Variants in SULF1 observed in about 807,000 individuals in gnomAD.
SULF1 encodes the protein extracellular sulfatase Sulf-1.
SULF1 carries 46 observed loss-of-function variants against 110.5 expected under a neutral mutation model. That is an observed-to-expected ratio of 0.42 (90% CI 0.33 to 0.53). SULF1 has a LOEUF of 0.53. Ranked by LOEUF, SULF1 falls within the 20% of genes least tolerant of loss-of-function variation. The pLI is 0.12. For missense variants in SULF1, 941 were observed against 1,094.2 expected (o/e 0.86, Z 1.98); for synonymous variants, 371 against 387.1 (o/e 0.96, Z 0.49).
chr8:69,512,531 TG>T (rs959254430), intron 3 of SULF1, among the ~76,000 whole-genome samples: 1 of 152,238 alleles, frequency 6.6e-6, no homozygotes, highest in African/African-American at 2.4e-5. Context: ...CATGTTCTTT[TG>T]GGTCCCAGAT....
chr8:69,510,945 TACACACACACACACACACAC>T (rs56386460), intron 3 of SULF1, among the ~76,000 whole-genome samples: 1 of 141,142 alleles, frequency 7.1e-6, no homozygotes, highest in Admixed American at 7.1e-5. Context: ...ATATCATCAT[TACACACACACACACACACAC>T]ACACACACAC....
intron 1 of SULF1, among the ~76,000 whole-genome samples, chr8:69,487,550 A>G (rs1809759653): frequency 2.0e-5 from 3 of 152,244 alleles, no homozygotes. Flanking sequence ...CCTTCCAGAC[A>G]GAATCTATCT....
chr8:69,468,523 T>C (rs1345046825), intron 1 of SULF1, among the ~76,000 whole-genome samples: 2 of 152,212 alleles, frequency 1.3e-5, no homozygotes, highest in Non-Finnish European at 2.9e-5. Flanking sequence ...ATTATCCTCA[T>C]AAATACCCAG....
chr8:69,593,216 A>G (rs1054226480), intron 8 of SULF1, among the ~76,000 whole-genome samples: 26 of 152,234 alleles, frequency 1.7e-4, no homozygotes, highest in African/African-American at 5.8e-4. Flanking sequence ...TTCAGAGTTC[A>G]GTCTTCAGAC....
intron 6 of SULF1, among the ~76,000 whole-genome samples, chr8:69,582,728 C>T (rs546167910): frequency 3.3e-5 from 5 of 151,328 alleles, no homozygotes; most frequent in African/African-American, 7.3e-5. Flanking sequence ...GGGATAAACC[C>T]GTAGGGATGA....
intron 1 of SULF1, among the ~76,000 whole-genome samples, chr8:69,487,111 G>A (rs1027857273): frequency 3.3e-5 from 5 of 152,144 alleles, no homozygotes; most frequent in African/African-American, 1.2e-4. Context: ...GAATCTGCAC[G>A]CCATAATTAG....
chr8:69,638,705 TTAAA>T (rs1225305912), intron 20 of SULF1, 26 bp from the exon 21 acceptor site: 1 of 1,613,158 alleles, frequency 6.2e-7, no homozygotes, highest in African/African-American at 1.3e-5. Context: ...AGACATAAGC[TTAAA>T]TAGATTGTCC....
At position 69,580,682 on chromosome 8, in the gene SULF1, A is replaced by T. The variant is rs372278243; in HGVS notation, c.412+4473A>T. Among the ~76,000 whole-genome samples, 11 of 152,258 alleles carry T rather than the reference A, an allele frequency of 7.2e-5. No individual in the cohort carries two copies. In the East Asian group the frequency reaches 1.9e-3, roughly 27 times the overall value. ...CCTAACACATGGTACATAAAATCAC[A>T]TATGAGTTAAATCTTAATCACATGA... is the stretch of plus-strand genomic sequence containing the variant. On this transcript the variant is annotated intron_variant, in intron 6 of 22. Transcript: ENST00000402687.
Position 69,600,754 on chromosome 8 carries a change from G to T in SULF1, c.885+1G>T, listed in dbSNP as rs1470452524. 6.2e-7 allele frequency: 1 copy of T among 1,613,294 alleles called. No individual in the cohort carries two copies. Among genetic ancestry groups the T allele is most frequent in the African/African-American group, 1.3e-5 (1 of 74,912 alleles). Reference sequence around the variant, plus strand: ...GTCAGTGGATGATTCTGTGGAGAGGGTAAGCACATGAACCTACCTCAGTGA... The same window carrying T: ...GTCAGTGGATGATTCTGTGGAGAGGTTAAGCACATGAACCTACCTCAGTGA... On this transcript the variant is annotated splice_donor_variant, in intron 9 of 22. Transcript: ENST00000402687. LOFTEE classifies it high-confidence loss of function.
intron 6 of SULF1, among the ~76,000 whole-genome samples, chr8:69,576,601 A>G (rs1177253996): frequency 6.6e-6 from 1 of 152,130 alleles, no homozygotes. Context: ...GGGCAAGAAG[A>G]GGTTTTTGAT....
intron 5 of SULF1, among the ~76,000 whole-genome samples, chr8:69,575,745 A>G (rs925409957): frequency 6.6e-6 from 1 of 152,068 alleles, no homozygotes; most frequent in Non-Finnish European, 1.5e-5. Flanking sequence ...CTTCGTGATT[A>G]CAGGGAGGAG....
chr8:69,468,185 A>G (rs1015272667), intron 1 of SULF1, among the ~76,000 whole-genome samples: 3 of 152,234 alleles, frequency 2.0e-5, no homozygotes, highest in Admixed American at 2.0e-4. Flanking sequence ...CACATTTGGC[A>G]GAGAAATCCA....
At chr8:69,582,369 A>T (rs916243195) in intron 6 of SULF1, among the ~76,000 whole-genome samples, 2 of 152,222 alleles carry the variant, frequency 1.3e-5, no homozygotes, top group African/African-American at 4.8e-5. Context: ...TCATTTACAA[A>T]AGACAGGGCC....
chr8:69,537,882 A>G (rs1813532351), intron 3 of SULF1, among the ~76,000 whole-genome samples: 1 of 151,960 alleles, frequency 6.6e-6, no homozygotes, highest in Non-Finnish European at 1.5e-5. Context: ...GAAACAGAAG[A>G]AAAAGAGAAA....
intron 1 of SULF1, among the ~76,000 whole-genome samples, chr8:69,484,302 A>G (rs1278893045): frequency 6.6e-6 from 1 of 152,250 alleles, no homozygotes; most frequent in Non-Finnish European, 1.5e-5. Flanking sequence ...ACCTCTTGAA[A>G]GCAGGCACCA....
In SULF1 at chr8:69,496,753, C is replaced by T. The variant is rs541339356; in HGVS notation, c.-229+827C>T. Reference sequence around the variant, plus strand: ...ACCCTCACAATCTTTTTAGGTTAGCCGACATAATGATTTACTCCCAACTGG... The same window carrying T: ...ACCCTCACAATCTTTTTAGGTTAGCTGACATAATGATTTACTCCCAACTGG... On this transcript the variant is annotated intron_variant, in intron 2 of 22. Coordinates refer to ENST00000402687, the MANE Select transcript of SULF1 (RefSeq NM_001128205.2). Among the ~76,000 whole-genome samples, 144 of 152,292 alleles carry T rather than the reference C, an allele frequency of 9.5e-4. 1 individual carries two copies. Among genetic ancestry groups the T allele is most frequent in the Admixed American group, 9.2e-4 (14 of 15,296 alleles).
At chr8:69,614,185 G>C (rs1242641263) in intron 13 of SULF1, among the ~76,000 whole-genome samples, 1 of 152,158 alleles carries the variant, frequency 6.6e-6, no homozygotes, top group African/African-American at 2.4e-5. Flanking sequence ...TCATAACTCT[G>C]CAAAGGCTAA....
At chr8:69,521,864 G>C (rs990685362) in intron 3 of SULF1, among the ~76,000 whole-genome samples, 1 of 150,878 alleles carries the variant, frequency 6.6e-6, no homozygotes, top group South Asian at 2.1e-4. Context: ...AAAAGAAACA[G>C]TAAGAGGCCA....
At chr8:69,494,050 A>AT (rs1215750581) in intron 1 of SULF1, among the ~76,000 whole-genome samples, 1 of 152,020 alleles carries the variant, frequency 6.6e-6, no homozygotes, top group Non-Finnish European at 1.5e-5. Flanking sequence ...TAAAACCGTG[A>AT]TTATAACTTG....
Sources: gnomAD v4.1 joint callset for allele counts (sites outside exome capture counted in the v4.1 genomes callset) on GRCh38, gnomAD v4.1.1 for gene constraint, MANE v1.5 for transcripts, NCBI Gene and HGNC (gene_info 2026-07-23, HGNC 2026-07-21) for gene names.